SIK3: variants seen among roughly 807,000 people sequenced by gnomAD.
SIK3 encodes SIK family kinase 3, also known as serine/threonine-protein kinase SIK3.
A neutral mutation model predicts 144.2 loss-of-function variants in SIK3; 28 were observed. That is an observed-to-expected ratio of 0.19 (90% CI 0.14 to 0.27). The LOEUF is 0.27. Among genes scored for constraint, SIK3 ranks in the 10% least tolerant of loss-of-function variants. The pLI, the probability that SIK3 is intolerant of heterozygous loss-of-function variation, is 1.00. For synonymous variants in SIK3, 686 were observed against 676.3 expected (o/e 1.01, Z -0.22); for missense variants, 1,319 against 1,776.0 (o/e 0.74, Z 4.62).
chr11:116,923,968 G>A (rs1017478369), intron 4 of SIK3, among the ~76,000 whole-genome samples: 42 of 152,270 alleles, frequency 2.8e-4, no homozygotes, highest in African/African-American at 9.6e-4. Flanking sequence ...GTTTCTCAAT[G>A]TAAAAACTAA....
At chr11:116,854,845 C>T (rs1385610257) in intron 21 of SIK3, among the ~76,000 whole-genome samples, 1 of 152,062 alleles carries the variant, frequency 6.6e-6, no homozygotes, top group Non-Finnish European at 1.5e-5. Context: ...AATCCCAGCA[C>T]TTTGTGAGGC....
At chr11:116,901,413 A>G (rs1366206239) in intron 4 of SIK3, among the ~76,000 whole-genome samples, 1 of 152,194 alleles carries the variant, frequency 6.6e-6, no homozygotes, top group Non-Finnish European at 1.5e-5. Flanking sequence ...TCTGCCTCCT[A>G]GCTGTCCCTC....
At chr11:116,960,303 A>G (rs1207716234) in intron 1 of SIK3, among the ~76,000 whole-genome samples, 2 of 152,116 alleles carry the variant, frequency 1.3e-5, no homozygotes, top group Admixed American at 6.6e-5. Flanking sequence ...AGGCAGGCGG[A>G]TGGCTTGAGG....
chr11:117,009,412 G>GC (rs1951170436), intron 1 of SIK3, among the ~76,000 whole-genome samples: 1 of 151,716 alleles, frequency 6.6e-6, no homozygotes, highest in Non-Finnish European at 1.5e-5. Context: ...CTAAAGTGAG[G>GC]CACTGGGAAT....
At chr11:116,892,649 G>T (rs1945190589) in intron 6 of SIK3, among the ~76,000 whole-genome samples, 3 of 152,334 alleles carry the variant, frequency 2.0e-5, no homozygotes, top group Non-Finnish European at 4.4e-5. Context: ...CACTTTGGAA[G>T]ACAGTTTGGC....
intron 1 of SIK3, among the ~76,000 whole-genome samples, chr11:117,070,955 T>C (rs1336718289): frequency 6.6e-6 from 1 of 151,374 alleles, no homozygotes; most frequent in Admixed American, 6.6e-5. Context: ...GGTTTCACCA[T>C]GTTGGCCAGG....
chr11:116,941,045 C>G (rs1438612519), intron 3 of SIK3, among the ~76,000 whole-genome samples: 2 of 152,042 alleles, frequency 1.3e-5, no homozygotes, highest in Admixed American at 1.3e-4. Flanking sequence ...CTCGCTCTGT[C>G]CCCCAGGCTG....
chr11:116,877,153 T>C, intron 6 of SIK3, 111 bp from the exon 7 acceptor site: 1 of 882,896 alleles, frequency 1.1e-6, no homozygotes, highest in Non-Finnish European at 1.9e-6. Flanking sequence ...CTGCTTCTAA[T>C]TTTGTCTCTC....
At chr11:116,848,669 G>A (rs896893858) in intron 22 of SIK3, among the ~76,000 whole-genome samples, 4 of 152,314 alleles carry the variant, frequency 2.6e-5, no homozygotes, top group African/African-American at 9.6e-5. Flanking sequence ...AAAATTTGGA[G>A]CATAGATTCT....
chr11:116,931,212 G>A (rs928208940), intron 3 of SIK3, among the ~76,000 whole-genome samples: 3 of 152,130 alleles, frequency 2.0e-5, no homozygotes, highest in Admixed American at 2.0e-4. Context: ...ACAGGAAATC[G>A]ATTTTGAATT....
intron 6 of SIK3, among the ~76,000 whole-genome samples, chr11:116,890,089 C>T (rs1343282491): frequency 3.3e-5 from 5 of 152,150 alleles, no homozygotes; most frequent in African/African-American, 4.8e-5. Flanking sequence ...AGAACTCAGG[C>T]ACCGTCCAAA....
chr11:117,023,621 A>AAAAAAAT (rs754624841), intron 1 of SIK3, among the ~76,000 whole-genome samples: 19 of 95,392 alleles, frequency 2.0e-4, no homozygotes, highest in African/African-American at 7.4e-4. Flanking sequence ...AAAAAAAAAA[A>AAAAAAAT]ATATATATAT....
At chr11:116,881,540 T>G (rs1213921095) in intron 6 of SIK3, among the ~76,000 whole-genome samples, 1 of 152,162 alleles carries the variant, frequency 6.6e-6, no homozygotes, top group Non-Finnish European at 1.5e-5. Flanking sequence ...GCAACATTTT[T>G]TTTCTTTTTT....
intron 3 of SIK3, among the ~76,000 whole-genome samples, chr11:116,940,053 G>A (rs907456740): frequency 3.9e-5 from 6 of 152,138 alleles, no homozygotes; most frequent in African/African-American, 1.4e-4. Context: ...TGTAAGAATG[G>A]CATTGTAGAC....
At chr11:117,002,142 A>C in intron 1 of SIK3, among the ~76,000 whole-genome samples, 1 of 152,194 alleles carries the variant, frequency 6.6e-6, no homozygotes, top group Non-Finnish European at 1.5e-5. Context: ...CCCACTTTTA[A>C]AGTTTGCCAT....
intron 1 of SIK3, among the ~76,000 whole-genome samples, chr11:117,078,160 G>A (rs547850025): frequency 5.3e-5 from 8 of 152,304 alleles, no homozygotes; most frequent in African/African-American, 1.7e-4. Flanking sequence ...AGACCCTGAA[G>A]TTGGTTCCTA....
At chr11:117,018,244 C>T (rs139744423) in intron 1 of SIK3, among the ~76,000 whole-genome samples, 11 of 152,262 alleles carry the variant, frequency 7.2e-5, no homozygotes, top group African/African-American at 2.6e-4. Flanking sequence ...CCTGCATATA[C>T]AAAAAGTTGG....
intron 1 of SIK3, among the ~76,000 whole-genome samples, chr11:117,022,885 A>T (rs1257138830): frequency 6.6e-6 from 1 of 152,070 alleles, no homozygotes; most frequent in African/African-American, 2.4e-5. Context: ...TAAGTGAAAA[A>T]CCCACTTCCA....
chr11:116,912,679 A>G (rs2134971057), intron 4 of SIK3, among the ~76,000 whole-genome samples: 1 of 152,308 alleles, frequency 6.6e-6, no homozygotes, highest in Admixed American at 6.5e-5. Context: ...GAAGATATTT[A>G]CTTACCCTAA....
Sources: gnomAD v4.1 joint callset for allele counts (sites outside exome capture counted in the v4.1 genomes callset) on GRCh38, gnomAD v4.1.1 for gene constraint, MANE v1.5 for transcripts, NCBI Gene and HGNC (gene_info 2026-07-23, HGNC 2026-07-21) for gene names.